SPAG16: variants seen among roughly 807,000 people sequenced by gnomAD.
SPAG16 encodes sperm-associated antigen 16 protein.
In SPAG16, 86 loss-of-function variants were observed where a neutral mutation model predicts 80.4. That is an observed-to-expected ratio of 1.07 (90% CI 0.90 to 1.28). The LOEUF is 1.28. Among genes scored for constraint, SPAG16 ranks in the 50% most tolerant of loss-of-function variants. The pLI is 0.00. For synonymous variants in SPAG16, 294 were observed against 265.9 expected (o/e 1.11, Z -1.03); for missense variants, 870 against 765.3 (o/e 1.14, Z -1.61).
intron 13 of SPAG16, among the ~76,000 whole-genome samples, chr2:214,047,523 C>G (rs150360896): frequency 8.6e-4 from 131 of 152,192 alleles, no homozygotes; most frequent in African/African-American, 3.1e-3. Context: ...CTGTCTCTTG[C>G]CATACACAGA....
chr2:214,362,632 A>G (rs1271756857), intron 15 of SPAG16, among the ~76,000 whole-genome samples: 1 of 151,822 alleles, frequency 6.6e-6, no homozygotes, highest in African/African-American at 2.4e-5. Flanking sequence ...ATTACATAAC[A>G]AATATATGTT....
chr2:213,541,260 A>G (rs1208950954), intron 10 of SPAG16, among the ~76,000 whole-genome samples: 4 of 152,194 alleles, frequency 2.6e-5, no homozygotes, highest in Admixed American at 1.3e-4. Flanking sequence ...ATCCCTCAAA[A>G]GCCTTACCAT....
chr2:214,188,104 A>G (rs990571169), intron 15 of SPAG16, among the ~76,000 whole-genome samples: 2 of 152,084 alleles, frequency 1.3e-5, no homozygotes, highest in Non-Finnish European at 2.9e-5. Flanking sequence ...CTTTCTTTGC[A>G]TATCCACTTC....
chr2:213,339,153 C>A (rs540363121), intron 5 of SPAG16, among the ~76,000 whole-genome samples: 80 of 152,274 alleles, frequency 5.3e-4, no homozygotes, highest in Non-Finnish European at 8.7e-4. Context: ...GAGAGCCTTA[C>A]TTTATCTCAT....
At chr2:213,297,618 T>C (rs559688272) in intron 3 of SPAG16, among the ~76,000 whole-genome samples, 58 of 152,288 alleles carry the variant, frequency 3.8e-4, no homozygotes, top group African/African-American at 1.3e-3. Flanking sequence ...CTGATTAATC[T>C]CACTGGAGGA....
intron 13 of SPAG16, 65 bp downstream of exon 13, chr2:214,014,142 G>T (rs1187494408): frequency 5.0e-6 from 8 of 1,584,520 alleles, no homozygotes; most frequent in Non-Finnish European, 6.9e-6. Flanking sequence ...GTCATTCTTT[G>T]GGTATGGAAT....
intron 13 of SPAG16, among the ~76,000 whole-genome samples, chr2:214,019,206 G>A (rs1363999561): frequency 6.6e-6 from 1 of 152,006 alleles, no homozygotes; most frequent in African/African-American, 2.4e-5. Context: ...TACATACAGT[G>A]ATTTGGAAGC....
chr2:213,307,809 A>C (rs867589766), intron 3 of SPAG16, among the ~76,000 whole-genome samples: 10 of 152,044 alleles, frequency 6.6e-5, no homozygotes, highest in East Asian at 3.9e-4. Context: ...CCAACAGTGT[A>C]AAAGTGTTCC....
At chr2:213,771,525 C>T (rs1028650817) in intron 10 of SPAG16, among the ~76,000 whole-genome samples, 6 of 152,042 alleles carry the variant, frequency 3.9e-5, no homozygotes, top group African/African-American at 1.4e-4. Context: ...AAAATCTTTG[C>T]CCATGCCTAT....
In SPAG16 at chr2:214,258,471, G is replaced by GTATATATATATA. The variant is rs146532641; in HGVS notation, c.1720+109214_1720+109225dup. On this transcript the variant is annotated intron_variant, in intron 15 of 15. Coordinates refer to ENST00000331683, the MANE Select transcript of SPAG16 (RefSeq NM_024532.5). ...ACAGTGTGTGTATGTATGTGTGTGT[G>GTATATATATATA]TATATATATATATATATATACACAC... 9.6e-3 allele frequency among the ~76,000 whole-genome samples: 1,364 copies of GTATATATATATA among 141,386 alleles called. 10 individuals carry two copies. Among genetic ancestry groups the GTATATATATATA allele is most frequent in the Middle Eastern group, 0.023 (6 of 260 alleles). The allele number at this position is 141,386 out of a possible 152,430, so 92.8% of individuals were successfully genotyped here.
At chr2:213,735,719 A>G (rs983338050) in intron 10 of SPAG16, among the ~76,000 whole-genome samples, 1 of 152,230 alleles carries the variant, frequency 6.6e-6, no homozygotes, top group African/African-American at 2.4e-5. Flanking sequence ...TGGGTGGGAA[A>G]TATGTTCCAT....
At chr2:214,240,661 T>C (rs1689395984) in intron 15 of SPAG16, 1 of 152,188 alleles carries the variant, frequency 6.6e-6, no homozygotes, top group African/African-American at 2.4e-5. Context: ...CTACTTCAGA[T>C]AATGGCTTCT....
chr2:214,066,656 T>A (rs2050543855), intron 13 of SPAG16, among the ~76,000 whole-genome samples: 1 of 152,096 alleles, frequency 6.6e-6, no homozygotes, highest in Non-Finnish European at 1.5e-5. Context: ...AAATATGTTG[T>A]TTACTGAAAA....
rs58151966 is a variant in SPAG16 at position 213,489,081 on chromosome 2, G to GAA, written c.943-867_943-866dup. 2.0e-3 allele frequency among the ~76,000 whole-genome samples: 184 copies of GAA among 90,902 alleles called. 1 individual carries two copies. Among genetic ancestry groups the GAA allele is most frequent in the Admixed American group, 4.2e-3 (40 of 9,472 alleles). The allele number at this position is 90,902 out of a possible 152,430, so 59.6% of individuals were successfully genotyped here. ...CAAAGCGAGACTCCATCTCAAAAAC[G>GAA]AAAAAAAAAAAAAAAAGATTTTTCA... On this transcript the variant is annotated intron_variant, in intron 9 of 15. Coordinates refer to ENST00000331683, the MANE Select transcript of SPAG16 (RefSeq NM_024532.5).
chr2:213,310,254 CTT>C, intron 4 of SPAG16, 77 bp downstream of exon 4: 1 of 968,150 alleles, frequency 1.0e-6, no homozygotes, highest in Non-Finnish European at 1.5e-6. Context: ...TCTTAGGAGA[CTT>C]TGAAATGACT....
At chr2:213,922,909 G>C (rs908145064) in intron 11 of SPAG16, among the ~76,000 whole-genome samples, 7 of 152,140 alleles carry the variant, frequency 4.6e-5, no homozygotes, top group Admixed American at 2.0e-4. Context: ...CTGTATTCTT[G>C]CCAGGTTGGC....
At chr2:214,117,466 T>G (rs956566837) in intron 14 of SPAG16, among the ~76,000 whole-genome samples, 3 of 152,066 alleles carry the variant, frequency 2.0e-5, no homozygotes, top group African/African-American at 7.2e-5. Flanking sequence ...TTCCAAAAAC[T>G]TGAAGAGGAT....
At chr2:214,276,936 C>T (rs536062099) in intron 15 of SPAG16, among the ~76,000 whole-genome samples, 6 of 151,740 alleles carry the variant, frequency 4.0e-5, no homozygotes, top group South Asian at 4.2e-4. Flanking sequence ...ACTAATCAAA[C>T]ATAGATTTGT....
intron 12 of SPAG16, among the ~76,000 whole-genome samples, chr2:213,986,208 G>A (rs1180605349): frequency 6.6e-6 from 1 of 152,074 alleles, no homozygotes; most frequent in African/African-American, 2.4e-5. Flanking sequence ...GGCACAATTT[G>A]AATTGCCCAG....
Sources: allele counts gnomAD v4.1 joint callset (sites outside exome capture counted in the v4.1 genomes callset), GRCh38; gene constraint gnomAD v4.1.1; transcripts MANE v1.5; gene names NCBI Gene and HGNC (gene_info 2026-07-23, HGNC 2026-07-21).